The following ACOXL variants were observed in gnomAD, a reference collection of about 807,000 sequenced individuals.
ACOXL encodes acyl-CoA oxidase like, also known as acyl-coenzyme A oxidase-like protein.
Under a neutral mutation model 71.9 loss-of-function variants are expected in ACOXL, and 70 were observed. The ratio of observed to expected loss-of-function variants is 0.97; its 90% CI spans 0.80 to 1.19. The LOEUF is 1.19. Ranked by LOEUF, ACOXL falls within the 50% of genes most tolerant of loss-of-function variation. The pLI is 0.00. For missense variants in ACOXL, 703 were observed against 736.3 expected, an observed-to-expected ratio of 0.95 and a Z score of 0.52; for synonymous variants, 253 against 281.6, an observed-to-expected ratio of 0.90 and a Z score of 1.02.
intron 1 of ACOXL, among the ~76,000 whole-genome samples, chr2:110,757,086 G>A (rs186035544): frequency 2.5e-4 from 38 of 152,076 alleles, no homozygotes; most frequent in African/African-American, 8.9e-4. Context: ...AGTGCATGTT[G>A]TTCTCACCAT....
At chr2:110,804,505 C>T (rs1686389194) in intron 8 of ACOXL, among the ~76,000 whole-genome samples, 1 of 152,168 alleles carries the variant, frequency 6.6e-6, no homozygotes. Flanking sequence ...AAATGCAAAC[C>T]TATATCCACA....
intron 1 of ACOXL, among the ~76,000 whole-genome samples, chr2:110,744,825 C>G (rs1677995314): frequency 6.6e-6 from 1 of 152,138 alleles, no homozygotes; most frequent in Admixed American, 6.5e-5. Context: ...ACTCTCTCAT[C>G]TTGGAGAGGG....
At chr2:111,109,779 A>G (rs897630060) in intron 17 of ACOXL, among the ~76,000 whole-genome samples, 7 of 145,552 alleles carry the variant, frequency 4.8e-5, no homozygotes, top group Admixed American at 4.3e-4. Flanking sequence ...CCCAGGTTCA[A>G]GCAATTCTTG....
chr2:110,930,078 T>C (rs1479868698), intron 11 of ACOXL, among the ~76,000 whole-genome samples: 1 of 152,186 alleles, frequency 6.6e-6, no homozygotes, highest in Non-Finnish European at 1.5e-5. Flanking sequence ...GACCCTATAA[T>C]GTCAGATCCA....
Position 111,057,780 on chromosome 2 carries a change from T to C in ACOXL, c.1440+8492T>C, listed in dbSNP as rs189394129. 2.3e-3 allele frequency among the ~76,000 whole-genome samples: 346 copies of C among 152,376 alleles called. 2 individuals carry two copies. Among genetic ancestry groups the C allele is most frequent in the African/African-American group, 8.1e-3 (335 of 41,588 alleles). ...TGCCCGACTGCCTAAGAGGAGCATA[T>C]GAGCGCACAGATGGCAGCAGTATAT... On this transcript the variant is annotated intron_variant, in intron 16 of 17. Transcript: ENST00000439055.
chr2:110,963,821 T>C, intron 12 of ACOXL: 1 of 1,446,926 alleles, frequency 6.9e-7, no homozygotes, highest in East Asian at 2.4e-5. Flanking sequence ...GGTGCTTTCC[T>C]GTTAGGCACT....
chr2:111,017,148 A>G (rs528839897), intron 14 of ACOXL, among the ~76,000 whole-genome samples: 1 of 152,322 alleles, frequency 6.6e-6, no homozygotes, highest in Admixed American at 6.5e-5. Flanking sequence ...CCCCCTGATT[A>G]GGGAGCAGAC....
intron 15 of ACOXL, among the ~76,000 whole-genome samples, chr2:111,034,641 A>G (rs1312759216): frequency 2.0e-5 from 3 of 152,250 alleles, no homozygotes; most frequent in African/African-American, 7.2e-5. Context: ...AAGCCCAGGA[A>G]TGTTTTGAAA....
chr2:110,847,293 G>A (rs1285479264), intron 10 of ACOXL, among the ~76,000 whole-genome samples: 1 of 152,046 alleles, frequency 6.6e-6, no homozygotes, highest in Non-Finnish European at 1.5e-5. Flanking sequence ...AGTGCCCCTG[G>A]GCCAAGATAA....
At chr2:110,733,073 T>G (rs1676377067) in intron 1 of ACOXL, 1 of 152,440 alleles carries the variant, frequency 6.6e-6, no homozygotes, top group Non-Finnish European at 1.5e-5. Flanking sequence ...GCGCGGTGTC[T>G]ACGAAGACCG....
At position 111,117,743 on chromosome 2, in the gene ACOXL, AC is replaced by A. The variant is rs1386918607; in HGVS notation, c.1673del (p.Pro558LeufsTer106). Reference sequence around the variant, plus strand: ...AACCCGCGGGCCGCGTGGGCTTTCTACCCTGCACCGCTGCAGCCGCGGCCAC... The same window carrying A: ...AACCCGCGGGCCGCGTGGGCTTTCTACCTGCACCGCTGCAGCCGCGGCCAC... The part of the protein sequence containing the change: ...ISNPRAAWAF[Y>X]PAPLQPRPRE... On this transcript the variant is annotated frameshift_variant, in exon 18 of 18. Coordinates refer to ENST00000439055, the MANE Select transcript of ACOXL (RefSeq NM_001142807.4). LOFTEE classifies it low-confidence loss of function (END_TRUNC). 1.3e-6 allele frequency: 2 copies of A among 1,551,132 alleles called. No homozygotes were observed. Among genetic ancestry groups the A allele is most frequent in the Admixed American group, 2.0e-5 (1 of 50,976 alleles).
intron 14 of ACOXL, among the ~76,000 whole-genome samples, chr2:111,000,732 G>A (rs2063586292): frequency 6.6e-6 from 1 of 152,128 alleles, no homozygotes; most frequent in African/African-American, 2.4e-5. Context: ...ACATACCCAT[G>A]ATATCTCCCC....
At chr2:110,846,219 A>G (rs1199061426) in intron 10 of ACOXL, among the ~76,000 whole-genome samples, 1 of 152,146 alleles carries the variant, frequency 6.6e-6, no homozygotes, top group Admixed American at 6.5e-5. Flanking sequence ...ACCAAGAGAG[A>G]TGGTGGGGAA....
At chr2:110,785,456 A>G (rs558999792) in intron 3 of ACOXL, among the ~76,000 whole-genome samples, 19 of 151,788 alleles carry the variant, frequency 1.3e-4, no homozygotes, top group Middle Eastern at 3.4e-3. Context: ...CACAATCAAG[A>G]TATAGAACTG....
chr2:110,738,637 T>A (rs1337771373), intron 1 of ACOXL, among the ~76,000 whole-genome samples: 1 of 152,212 alleles, frequency 6.6e-6, no homozygotes, highest in Admixed American at 6.5e-5. Flanking sequence ...AGCTTCTTTT[T>A]GGCATTGTTG....
chr2:110,786,538 C>T (rs769148957), intron 3 of ACOXL, among the ~76,000 whole-genome samples: 7 of 152,232 alleles, frequency 4.6e-5, no homozygotes, highest in African/African-American at 7.2e-5. Flanking sequence ...TCCAGACTCT[C>T]ATGATCCCCA....
At chr2:111,079,946 C>T (rs1308495630) in intron 16 of ACOXL, among the ~76,000 whole-genome samples, 5 of 149,082 alleles carry the variant, frequency 3.4e-5, no homozygotes, top group African/African-American at 1.2e-4. Context: ...CTGGTTTAGT[C>T]TTGGGAGGGT....
intron 15 of ACOXL, among the ~76,000 whole-genome samples, chr2:111,038,671 A>G (rs2065638893): frequency 6.6e-6 from 1 of 152,258 alleles, no homozygotes; most frequent in Admixed American, 6.5e-5. Flanking sequence ...CAAACGGTGA[A>G]TAAAAATAAA....
At chr2:110,774,617 A>C (rs1289742533) in intron 2 of ACOXL, among the ~76,000 whole-genome samples, 1 of 152,244 alleles carries the variant, frequency 6.6e-6, no homozygotes, top group Non-Finnish European at 1.5e-5. Context: ...GACTTAACCA[A>C]GGAGGTAAAG....
Sources: allele counts gnomAD v4.1 joint callset (sites outside exome capture counted in the v4.1 genomes callset), GRCh38; gene constraint gnomAD v4.1.1; transcripts MANE v1.5; gene names NCBI Gene and HGNC (gene_info 2026-07-23, HGNC 2026-07-21).